The following ARHGAP20 variants were observed in gnomAD, a reference collection of about 807,000 sequenced individuals.
ARHGAP20 encodes the protein rho GTPase-activating protein 20.
A neutral mutation model predicts 73.7 loss-of-function variants in ARHGAP20; 34 were observed. The ratio of observed to expected loss-of-function variants is 0.46; its 90% CI spans 0.35 to 0.61. ARHGAP20 has a LOEUF of 0.61. Ranked by LOEUF, ARHGAP20 falls within the 20% of genes least tolerant of loss-of-function variation. The pLI, the probability that ARHGAP20 is intolerant of heterozygous loss-of-function variation, is 0.00. For synonymous variants in ARHGAP20, 523 were observed against 518.2 expected (o/e 1.01, Z -0.13); for missense variants, 1,314 against 1,420.9 (o/e 0.92, Z 1.21).
chr11:110,591,843 G>A (rs1251408760), intron 10 of ARHGAP20, 134 bp downstream of exon 10: 1 of 895,930 alleles, frequency 1.1e-6, no homozygotes, highest in Non-Finnish European at 1.7e-6. Context: ...GTTATTTGGA[G>A]GAATAATAGT....
At chr11:110,679,696 T>C (rs1950001278) in intron 2 of ARHGAP20, among the ~76,000 whole-genome samples, 1 of 152,058 alleles carries the variant, frequency 6.6e-6, no homozygotes, top group Admixed American at 6.5e-5. Context: ...CACCAACAGA[T>C]GAGGGGAAAA....
intron 3 of ARHGAP20, among the ~76,000 whole-genome samples, chr11:110,627,101 T>G (rs567897381): frequency 1.3e-5 from 2 of 152,128 alleles, no homozygotes; most frequent in Admixed American, 1.3e-4. Flanking sequence ...TATATATATT[T>G]TTTTGAGACA....
At position 110,577,848 on chromosome 11, in the gene ARHGAP20, C is replaced by A; in HGVS notation, c.*1522G>T. 1 of 985,658 alleles carries A rather than the reference C, an allele frequency of 1.0e-6. No individual in the cohort carries two copies. The highest frequency in any genetic ancestry group is 1.2e-6 in the Non-Finnish European group (1 of 829,820). 61.1% of individuals were successfully genotyped at this position (985,658 alleles called of 1,614,324 possible). A position where few individuals can be genotyped will look rare whatever the true frequency, so the allele number is the denominator to read the frequency against. On this transcript the variant is annotated 3_prime_UTR_variant, in exon 15 of 15. Transcript: ENST00000683387. The stretch of plus-strand genomic sequence containing the variant: ...TATCTTAGAGAAAATATTTTTTCCC[C>A]TATAACTGAAAATGCAACCTTTAGA...
intron 2 of ARHGAP20, among the ~76,000 whole-genome samples, chr11:110,687,027 G>A (rs568264377): frequency 8.9e-6 from 1 of 112,700 alleles, no homozygotes; most frequent in African/African-American, 4.2e-5. Flanking sequence ...ATTAACTGAA[G>A]ATTAAAACAT....
At chr11:110,693,250 T>C (rs1950276787) in intron 1 of ARHGAP20, among the ~76,000 whole-genome samples, 1 of 151,946 alleles carries the variant, frequency 6.6e-6, no homozygotes, top group South Asian at 2.1e-4. Context: ...GCAATCAAAC[T>C]ACCAGCAGGT....
intron 3 of ARHGAP20, among the ~76,000 whole-genome samples, chr11:110,626,458 TG>T (rs1035717213): frequency 2.5e-4 from 38 of 152,216 alleles, no homozygotes; most frequent in African/African-American, 9.2e-4. Context: ...CATATACCAT[TG>T]TTGTAAATAC....
chr11:110,706,293 C>T (rs2135154253), intron 1 of ARHGAP20, among the ~76,000 whole-genome samples: 1 of 152,192 alleles, frequency 6.6e-6, no homozygotes. Context: ...CCAGTTTTGC[C>T]ACTTACTACA....
Position 110,579,124 on chromosome 11 carries a change from C to A in ARHGAP20, c.*246G>T. 1 of 1,131,310 alleles carries A rather than the reference C, an allele frequency of 8.8e-7. No homozygotes were observed. The highest frequency in any genetic ancestry group is 1.6e-5 in the African/African-American group (1 of 63,394). 70.1% of individuals were successfully genotyped at this position (1,131,310 alleles called of 1,614,324 possible). A position where few individuals can be genotyped will look rare whatever the true frequency, so the allele number is the denominator to read the frequency against. ...CCCTCTGTTAGTATCTCTAAAACCA[C>A]ATGACAGGACCAATCCCAACCTTTA... is the stretch of plus-strand genomic sequence containing the variant. On this transcript the variant is annotated 3_prime_UTR_variant, in exon 15 of 15. Coordinates refer to ENST00000683387, the MANE Select transcript of ARHGAP20 (RefSeq NM_001384657.1).
At chr11:110,650,685 T>C (rs1455084770) in intron 2 of ARHGAP20, among the ~76,000 whole-genome samples, 1 of 152,168 alleles carries the variant, frequency 6.6e-6, no homozygotes. Context: ...AGATGAGTAC[T>C]TCATGCAATT....
chr11:110,687,804 G>C (rs901544292), intron 2 of ARHGAP20, among the ~76,000 whole-genome samples: 1 of 152,112 alleles, frequency 6.6e-6, no homozygotes, highest in African/African-American at 2.4e-5. Flanking sequence ...GCTCAGACAT[G>C]ATTATACTAA....
At chr11:110,581,628 GTC>G (rs1453224730) in intron 14 of ARHGAP20, among the ~76,000 whole-genome samples, 1 of 152,102 alleles carries the variant, frequency 6.6e-6, no homozygotes, top group African/African-American at 2.4e-5. Flanking sequence ...CTCTAACAAT[GTC>G]TCTTTTACAA....
At chr11:110,671,110 G>A (rs1949818525) in intron 2 of ARHGAP20, among the ~76,000 whole-genome samples, 1 of 151,934 alleles carries the variant, frequency 6.6e-6, no homozygotes, top group African/African-American at 2.4e-5. Context: ...TACACTGGTT[G>A]AGAAATCTGC....
At chr11:110,588,725 C>A (rs1395983016) in intron 11 of ARHGAP20, among the ~76,000 whole-genome samples, 1 of 152,018 alleles carries the variant, frequency 6.6e-6, no homozygotes, top group Non-Finnish European at 1.5e-5. Context: ...TAGTTTAGCA[C>A]AAAATTTTAA....
chr11:110,687,069 C>A (rs1317916606), intron 2 of ARHGAP20, among the ~76,000 whole-genome samples: 1 of 110,408 alleles, frequency 9.1e-6, no homozygotes, highest in African/African-American at 4.0e-5. Context: ...CACACACACA[C>A]ACACACACAT....
chr11:110,700,019 G>A (rs1950413406), intron 1 of ARHGAP20, among the ~76,000 whole-genome samples: 2 of 152,010 alleles, frequency 1.3e-5, no homozygotes, highest in Non-Finnish European at 2.9e-5. Context: ...ATAAAAACCT[G>A]TATGTAGGCT....
Position 110,577,245 on chromosome 11 carries a change from C to T in ARHGAP20, c.*2125G>A. On this transcript the variant is annotated 3_prime_UTR_variant, in exon 15 of 15. Coordinates refer to ENST00000683387, the MANE Select transcript of ARHGAP20 (RefSeq NM_001384657.1). ...CAAACTCAAAGCATTTTAGATAAAG[C>T]ATCAGTCTAATATATTATAGATTGA... 4.0e-6 allele frequency: 6 copies of T among 1,482,480 alleles called. No individual in the cohort carries two copies. The highest frequency in any genetic ancestry group is 5.4e-6 in the Non-Finnish European group (6 of 1,114,642). The allele number at this position is 1,482,480 out of a possible 1,614,324, so 91.8% of individuals were successfully genotyped here.
chr11:110,589,907 G>T (rs1349724294), intron 11 of ARHGAP20, among the ~76,000 whole-genome samples: 1 of 152,150 alleles, frequency 6.6e-6, no homozygotes, highest in African/African-American at 2.4e-5. Flanking sequence ...GATCACCTGA[G>T]GTCAGGAATT....
intron 2 of ARHGAP20, among the ~76,000 whole-genome samples, chr11:110,655,072 ATTC>A (rs1949435956): frequency 6.6e-6 from 1 of 152,172 alleles, no homozygotes. Context: ...TCTAGACTAT[ATTC>A]TTCTTTATTT....
rs1947364048 is a variant in ARHGAP20 at position 110,579,124 on chromosome 11, C to CA, written c.*245dup. 1 of 1,131,192 alleles carries CA rather than the reference C, an allele frequency of 8.8e-7. No individual in the cohort carries two copies. Among genetic ancestry groups the CA allele is most frequent in the African/African-American group, 1.6e-5 (1 of 63,272 alleles). The allele number at this position is 1,131,192 out of a possible 1,614,324, so 70.1% of individuals were successfully genotyped here. Reference sequence around the variant, plus strand: ...CCCTCTGTTAGTATCTCTAAAACCACATGACAGGACCAATCCCAACCTTTA... The same window carrying CA: ...CCCTCTGTTAGTATCTCTAAAACCACAATGACAGGACCAATCCCAACCTTTA... On this transcript the variant is annotated 3_prime_UTR_variant, in exon 15 of 15. Transcript: ENST00000683387.
Sources: gnomAD v4.1 joint callset for allele counts (sites outside exome capture counted in the v4.1 genomes callset) on GRCh38, gnomAD v4.1.1 for gene constraint, MANE v1.5 for transcripts, NCBI Gene and HGNC (gene_info 2026-07-23, HGNC 2026-07-21) for gene names.